PRXL2A: variants seen among roughly 807,000 people sequenced by gnomAD.
PRXL2A encodes peroxiredoxin like 2A.
In PRXL2A, 26 loss-of-function variants were observed where a neutral mutation model predicts 25.6. The observed-to-expected ratio is 1.02, with a 90% CI of 0.74 to 1.41. The LOEUF (loss-of-function observed/expected upper bound fraction) is 1.41, where lower values mean the gene tolerates loss of function less well. Ranked by LOEUF, PRXL2A falls within the 40% of genes most tolerant of loss-of-function variation. PRXL2A has a pLI of 0.00. For synonymous variants in PRXL2A, 98 were observed against 102.9 expected (o/e 0.95, Z 0.29); for missense variants, 246 against 273.9 (o/e 0.90, Z 0.72).
intron 1 of PRXL2A, chr10:80,409,188 A>G (rs975447809): frequency 2.0e-6 from 1 of 506,380 alleles, no homozygotes; most frequent in African/African-American, 2.1e-5. Flanking sequence ...CTCTTTCCCA[A>G]GAGTCACAAA....
chr10:80,431,172 A>G (rs1381206047), intron 5 of PRXL2A, among the ~76,000 whole-genome samples: 1 of 152,204 alleles, frequency 6.6e-6, no homozygotes, highest in Non-Finnish European at 1.5e-5. Context: ...TGCTGGGAGT[A>G]CAGGTGTGAG....
intron 5 of PRXL2A, among the ~76,000 whole-genome samples, chr10:80,428,801 G>A (rs1845136643): frequency 1.3e-5 from 2 of 152,188 alleles, no homozygotes; most frequent in South Asian, 2.1e-4. Context: ...GTAGAAAGAT[G>A]GGGTTTATCT....
At chr10:80,428,561 T>A (rs1845130773) in intron 5 of PRXL2A, among the ~76,000 whole-genome samples, 1 of 151,964 alleles carries the variant, frequency 6.6e-6, no homozygotes, top group Admixed American at 6.6e-5. Flanking sequence ...CCCAGCTACT[T>A]GGGAGGCTGA....
In PRXL2A at chr10:80,420,460, C is replaced by A. The variant is rs780053687; in HGVS notation, c.-2-6C>A. 1.5e-5 allele frequency: 23 copies of A among 1,566,222 alleles called. No individual in the cohort carries two copies. Among genetic ancestry groups the A allele is most frequent in the Non-Finnish European group, 2.6e-6 (3 of 1,152,612 alleles). ...TAACGCCTTCTTCCTTCTTCTCAAT[C>A]TCCAGAAATGTCTTTCCTCCAGGAC... On this transcript the variant is annotated splice_polypyrimidine_tract_variant and splice_region_variant and intron_variant, in intron 1 of 5. Transcript: ENST00000606162.
chr10:80,428,345 G>A (rs1257060598), intron 5 of PRXL2A, among the ~76,000 whole-genome samples: 2 of 152,158 alleles, frequency 1.3e-5, no homozygotes, highest in African/African-American at 4.8e-5. Flanking sequence ...CCAGGAGGAT[G>A]TGTAGCAGGG....
intron 1 of PRXL2A, among the ~76,000 whole-genome samples, chr10:80,419,684 G>A (rs1384531026): frequency 6.6e-6 from 1 of 152,174 alleles, no homozygotes; most frequent in Non-Finnish European, 1.5e-5. Flanking sequence ...GGAGAAAAAA[G>A]TCAGATTACT....
chr10:80,415,494 T>C (rs965847697), intron 1 of PRXL2A, among the ~76,000 whole-genome samples: 3 of 152,232 alleles, frequency 2.0e-5, no homozygotes, highest in Non-Finnish European at 4.4e-5. Context: ...TGCTGCCTCC[T>C]GTGTCCTACA....
intron 4 of PRXL2A, among the ~76,000 whole-genome samples, chr10:80,426,623 C>T (rs535203604): frequency 1.3e-5 from 2 of 152,326 alleles, no homozygotes; most frequent in African/African-American, 4.8e-5. Flanking sequence ...GGTTCCTCCA[C>T]TGTTGGGGGC....
At chr10:80,420,017 A>G in intron 1 of PRXL2A, 2 of 985,776 alleles carry the variant, frequency 2.0e-6, no homozygotes, top group Non-Finnish European at 2.4e-6. Context: ...TGATCACAGA[A>G]GAGAAAGCTG....
intron 5 of PRXL2A, among the ~76,000 whole-genome samples, chr10:80,429,996 G>A (rs1172073845): frequency 6.6e-6 from 1 of 152,168 alleles, no homozygotes; most frequent in Non-Finnish European, 1.5e-5. Context: ...CTCCTAGGCG[G>A]AAGGTTAACT....
upstream of PRXL2A, chr10:80,407,912 C>T (rs1056768616): frequency 2.0e-5 from 3 of 152,452 alleles, no homozygotes; most frequent in Admixed American, 6.5e-5. Flanking sequence ...GCGCCGGACA[C>T]AACCTCCTAC....
intron 3 of PRXL2A, among the ~76,000 whole-genome samples, chr10:80,424,141 G>A (rs776496391): frequency 6.6e-6 from 1 of 152,068 alleles, no homozygotes; most frequent in African/African-American, 2.4e-5. Context: ...GGAAACTTAC[G>A]TTTCCAAAAA....
chr10:80,427,291 T>A, intron 4 of PRXL2A, 41 bp from the exon 5 acceptor site: 1 of 1,582,466 alleles, frequency 6.3e-7, no homozygotes, highest in Non-Finnish European at 8.7e-7. Context: ...AAGGCAGGCA[T>A]GTAGAGTACT....
rs1845339248 is a variant in PRXL2A, at chr10:80,434,106, T to G, written c.*2007T>G. ...CGAGATCGTGCCACTGCACTCCAGC[T>G]TGGGCAACAAGAGCGAAACTCCATA... is the stretch of plus-strand genomic sequence containing the variant. On this transcript the variant is annotated 3_prime_UTR_variant, in exon 6 of 6. Coordinates refer to ENST00000606162, the MANE Select transcript of PRXL2A (RefSeq NM_032333.5). The G allele has an allele frequency of 6.6e-6, 1 of 152,170 alleles. No homozygotes were observed. The allele number at this position is 152,170 out of a possible 1,614,324, so 9.4% of individuals were successfully genotyped here.
intron 1 of PRXL2A, among the ~76,000 whole-genome samples, chr10:80,418,039 T>A (rs7094927): frequency 0.033 from 4,937 of 151,678 alleles, 92 homozygotes; most frequent in African/African-American, 0.044. Flanking sequence ...TTTTTTTTTT[T>A]AATTATTTTA....
At chr10:80,426,189 CCT>C (rs1261404305) in intron 4 of PRXL2A, among the ~76,000 whole-genome samples, 183 bp downstream of exon 4, 1 of 152,222 alleles carries the variant, frequency 6.6e-6, no homozygotes, top group Non-Finnish European at 1.5e-5. Flanking sequence ...TTAAAGCTGT[CCT>C]CTCAGTTACA....
intron 5 of PRXL2A, 99 bp from the exon 6 acceptor site, chr10:80,431,887 A>C: frequency 1.2e-6 from 1 of 850,398 alleles, no homozygotes. Flanking sequence ...GTCCTTTGCT[A>C]TTCAAGCAAA....
At chr10:80,429,566 G>A (rs1444883081) in intron 5 of PRXL2A, among the ~76,000 whole-genome samples, 2 of 71,724 alleles carry the variant, frequency 2.8e-5, no homozygotes, top group Non-Finnish European at 5.4e-5. Flanking sequence ...AGCCTCTCCT[G>A]CCCTGCCCTG....
intron 5 of PRXL2A, among the ~76,000 whole-genome samples, chr10:80,431,160 A>G (rs546688501): frequency 1.8e-4 from 27 of 152,300 alleles, no homozygotes; most frequent in African/African-American, 6.3e-4. Flanking sequence ...AGCCTCCTAA[A>G]GTGCTGGGAG....
Sources: allele counts gnomAD v4.1 joint callset (sites outside exome capture counted in the v4.1 genomes callset), GRCh38; gene constraint gnomAD v4.1.1; transcripts MANE v1.5; gene names NCBI Gene and HGNC (gene_info 2026-07-23, HGNC 2026-07-21).